TMEM231: variants seen among roughly 807,000 people sequenced by gnomAD.
The protein encoded by TMEM231 is transmembrane protein 231.
In TMEM231, 40 loss-of-function variants were observed where a neutral mutation model predicts 38.5. The observed-to-expected ratio is 1.04, with a 90% CI of 0.81 to 1.35. TMEM231 has a LOEUF of 1.35. Ranked by LOEUF, TMEM231 falls within the 40% of genes most tolerant of loss-of-function variation. TMEM231 has a pLI of 0.00. For synonymous variants in TMEM231, 199 were observed against 181.7 expected, an observed-to-expected ratio of 1.10 and a Z score of -0.77; for missense variants, 420 against 416.9, an observed-to-expected ratio of 1.01 and a Z score of -0.07.
intron 2 of TMEM231, among the ~76,000 whole-genome samples, chr16:75,547,537 TG>T (rs972258860): frequency 1.4e-4 from 21 of 151,972 alleles, no homozygotes; most frequent in African/African-American, 5.1e-4. Context: ...ATAGGTAGGA[TG>T]AAAAGAGCCT....
At chr16:75,551,687 G>T (rs1387865288) in intron 2 of TMEM231, among the ~76,000 whole-genome samples, 1 of 151,958 alleles carries the variant, frequency 6.6e-6, no homozygotes, top group Non-Finnish European at 1.5e-5. Flanking sequence ...AATAGGTCGG[G>T]GCAGTGGCTC....
At chr16:75,546,739 G>A (rs1218820098) in intron 2 of TMEM231, among the ~76,000 whole-genome samples, 6 of 152,138 alleles carry the variant, frequency 3.9e-5, no homozygotes, top group Non-Finnish European at 8.8e-5. Flanking sequence ...CACCGCACCC[G>A]GCCTTACCAA....
intron 4 of TMEM231, among the ~76,000 whole-genome samples, chr16:75,544,943 CT>C (rs199552169): frequency 3.3e-3 from 265 of 80,310 alleles, no homozygotes; most frequent in African/African-American, 0.018. Flanking sequence ...CTTTTCTTTT[CT>C]TTTTCTTTTT....
At chr16:75,554,537 C>T (rs1288616198) in intron 2 of TMEM231, among the ~76,000 whole-genome samples, 1 of 113,162 alleles carries the variant, frequency 8.8e-6, no homozygotes, top group Non-Finnish European at 1.7e-5. Context: ...CAGAACAAGA[C>T]TGTGTCTCAA....
intron 4 of TMEM231, among the ~76,000 whole-genome samples, chr16:75,545,106 C>T (rs2080671001): frequency 6.6e-6 from 1 of 151,824 alleles, no homozygotes; most frequent in South Asian, 2.1e-4. Context: ...CAGGCACGCA[C>T]CACACGCCTG....
chr16:75,540,257 A>G (rs1467267176), intron 6 of TMEM231, 83 bp from the exon 7 acceptor site: 3 of 1,388,254 alleles, frequency 2.2e-6, no homozygotes, highest in African/African-American at 2.9e-5. Flanking sequence ...TGGCAGAGGT[A>G]TCTCGAAAGG....
chr16:75,555,860 T>A lies in TMEM231; in HGVS notation c.253A>T (p.Thr85Ser). Reference protein sequence around the residue: ...PESDGFLAWSTFPAFNRLQGD... With the variant: ...PESDGFLAWSSFPAFNRLQGD... ...TGCAGCCGGTTGAAGGCGGGGAACG[T>A]GCTCCAGGCGAGGAACCCGTCGCTT... is the stretch of plus-strand genomic sequence containing the variant. Residue 85 changes from threonine to serine, a missense_variant, in exon 2 of 7, where the codon ACG becomes TCG. Transcript: ENST00000258173. 1 of 1,586,544 alleles carries A rather than the reference T, an allele frequency of 6.3e-7. No individual in the cohort carries two copies. The highest frequency in any genetic ancestry group is 8.6e-7 in the Non-Finnish European group (1 of 1,166,866).
Position 75,553,561 on chromosome 16 carries a change from G to A in TMEM231, c.309+2243C>T, listed in dbSNP as rs1468334849. Reference sequence around the variant, plus strand: ...TGCTTGAACCCAGAAGGCAGAGGTTGCAGTGAGCTGAGATTGTGCCACTGC... The same window carrying A: ...TGCTTGAACCCAGAAGGCAGAGGTTACAGTGAGCTGAGATTGTGCCACTGC... On this transcript the variant is annotated intron_variant, in intron 2 of 6. Transcript: ENST00000258173. Among the ~76,000 whole-genome samples the A allele has an allele frequency of 2.7e-5, 4 of 148,666 alleles. No individual in the cohort carries two copies. The East Asian group carries it at 8.1e-4, about 30-fold the overall frequency.
chr16:75,554,545 C>CAAAAAAAAAA (rs1185694717), intron 2 of TMEM231, among the ~76,000 whole-genome samples: 7 of 93,922 alleles, frequency 7.5e-5, no homozygotes, highest in Non-Finnish European at 1.2e-4. Context: ...GACTGTGTCT[C>CAAAAAAAAAA]AAAAAAAAAA....
Position 75,546,738 on chromosome 16 carries a change from C to T in TMEM231, c.310-784G>A, listed in dbSNP as rs140838364. Among the ~76,000 whole-genome samples the T allele has an allele frequency of 3.4e-3, 512 of 152,258 alleles. 2 individuals carry two copies. The highest frequency in any genetic ancestry group is 0.011 in the African/African-American group (458 of 41,548). Reference sequence around the variant, plus strand: ...GATTATAGGCGTGAGCCACCGCACCCGGCCTTACCAAACTCTGTTTATAGA... The same window carrying T: ...GATTATAGGCGTGAGCCACCGCACCTGGCCTTACCAAACTCTGTTTATAGA... On this transcript the variant is annotated intron_variant, in intron 2 of 6. Transcript: ENST00000258173.
At chr16:75,545,247 A>G in intron 4 of TMEM231, 105 bp downstream of exon 4, 2 of 1,479,212 alleles carry the variant, frequency 1.4e-6, no homozygotes, top group Non-Finnish European at 9.1e-7. Context: ...GGTATGAGCC[A>G]CTGCGCCTGG....
intron 2 of TMEM231, among the ~76,000 whole-genome samples, chr16:75,554,438 C>T (rs574280906): frequency 3.3e-5 from 5 of 150,656 alleles, no homozygotes; most frequent in African/African-American, 9.8e-5. Context: ...CCCAGCTACT[C>T]GGGAGGCTAA....
In TMEM231 at chr16:75,543,488, T is replaced by C. The variant is rs537931442; in HGVS notation, c.583-805A>G. 7.2e-5 allele frequency among the ~76,000 whole-genome samples: 11 copies of C among 152,194 alleles called. No individual in the cohort carries two copies. The South Asian group carries it at 2.3e-3, about 32-fold the overall frequency. ...AGGAGGCTGAAATCAGAGGATCTCT[T>C]AAGCCTGGGAGACAGAGGTTGCAGT... On this transcript the variant is annotated intron_variant, in intron 4 of 6. Transcript: ENST00000258173.
chr16:75,542,933 A>G (rs1732834953), intron 4 of TMEM231, among the ~76,000 whole-genome samples: 1 of 152,190 alleles, frequency 6.6e-6, no homozygotes, highest in African/African-American at 2.4e-5. Context: ...AAAGATGAAT[A>G]AACTCTCTTG....
At chr16:75,554,527 C>T (rs544368197) in intron 2 of TMEM231, among the ~76,000 whole-genome samples, 207 of 99,768 alleles carry the variant, frequency 2.1e-3, no homozygotes, top group African/African-American at 8.6e-3. Context: ...GCCTGGGCAA[C>T]AGAACAAGAC....
rs747179656 is a variant in TMEM231 at position 75,555,816 on chromosome 16, G to A, written c.297C>T (p.Val99=). 7 of 1,547,802 alleles carry A rather than the reference G, an allele frequency of 4.5e-6. No homozygotes were observed. Among genetic ancestry groups the A allele is most frequent in the Non-Finnish European group, 5.2e-6 (6 of 1,145,372 alleles). Residue 99 remains valine (V), a synonymous_variant, in exon 2 of 7, where the codon GTC becomes GTT. Coordinates refer to ENST00000258173, the MANE Select transcript of TMEM231 (RefSeq NM_001077418.3). ...FNRLQGDRLR[V]PLVSTREEDR... ...GGGAACCACGCACCGAAACGAGCGG[G>A]ACGCGCAGGCGATCCCCTTGCAGCC... is the stretch of plus-strand genomic sequence containing the variant.
intron 2 of TMEM231, among the ~76,000 whole-genome samples, chr16:75,550,690 G>A (rs368791491): frequency 6.0e-5 from 9 of 150,758 alleles, no homozygotes; most frequent in Non-Finnish European, 8.9e-5. Flanking sequence ...TTTTGTTTGC[G>A]TACATTTCAT....
At position 75,554,295 on chromosome 16, in the gene TMEM231, T is replaced by C. The variant is rs142293427; in HGVS notation, c.309+1509A>G. 5.6e-3 allele frequency among the ~76,000 whole-genome samples: 853 copies of C among 152,254 alleles called. 8 individuals are homozygous for C. The highest frequency in any genetic ancestry group is 0.02 in the African/African-American group (819 of 41,552). On this transcript the variant is annotated intron_variant, in intron 2 of 6. Coordinates refer to ENST00000258173, the MANE Select transcript of TMEM231 (RefSeq NM_001077418.3). Reference sequence around the variant, plus strand: ...AATATTGTCCCTAGGCCGGGCACAGTGGCTGACACCTATGATCCCAGCAGT... The same window carrying C: ...AATATTGTCCCTAGGCCGGGCACAGCGGCTGACACCTATGATCCCAGCAGT...
chr16:75,541,548 G>A, intron 5 of TMEM231, 93 bp from the exon 6 acceptor site: 1 of 712,632 alleles, frequency 1.4e-6, no homozygotes, highest in Non-Finnish European at 2.2e-6. Context: ...AAATTATCCT[G>A]TGCTTCAGAA....
Sources: allele counts gnomAD v4.1 joint callset (sites outside exome capture counted in the v4.1 genomes callset), GRCh38; gene constraint gnomAD v4.1.1; transcripts MANE v1.5; gene names NCBI Gene and HGNC (gene_info 2026-07-23, HGNC 2026-07-21).